Variants in REDIC1 observed in about 807,000 individuals in gnomAD.
REDIC1 encodes regulator of DNA class I crossover intermediates 1.
chr12:39,879,257 T>C, the REDIC1 span, among the ~76,000 whole-genome samples: 107 of 152,190 alleles, frequency 7.0e-4, no homozygotes, highest in African/African-American at 2.5e-3. Context: ...CAAGGGGAAA[T>C]GTGGGGTTGA....
At chr12:39,636,801 A>G in the REDIC1 span, among the ~76,000 whole-genome samples, 1 of 152,094 alleles carries the variant, frequency 6.6e-6, no homozygotes, top group Non-Finnish European at 1.5e-5. Flanking sequence ...TGGTGTTTAT[A>G]TGACACTCAT....
the REDIC1 span, among the ~76,000 whole-genome samples, chr12:39,670,866 G>C: frequency 2.0e-5 from 3 of 150,544 alleles, no homozygotes; most frequent in Admixed American, 2.0e-4. Flanking sequence ...TTCATTCATT[G>C]ACTTTTTCAT....
chr12:39,630,860 TTAAACG>T, the REDIC1 span, among the ~76,000 whole-genome samples: 1 of 152,212 alleles, frequency 6.6e-6, no homozygotes, highest in Non-Finnish European at 1.5e-5. Context: ...TGGGTAATAC[TTAAACG>T]TACAGTGAAC....
chr12:39,766,355 A>G, the REDIC1 span, among the ~76,000 whole-genome samples: 1 of 152,112 alleles, frequency 6.6e-6, no homozygotes, highest in Admixed American at 6.6e-5. Context: ...CAGTCTATTA[A>G]GTGTTCAATA....
At chr12:39,797,012 G>GT in the REDIC1 span, among the ~76,000 whole-genome samples, 1 of 152,100 alleles carries the variant, frequency 6.6e-6, no homozygotes, top group Non-Finnish European at 1.5e-5. Flanking sequence ...GTAAAAGAGT[G>GT]TTTTTTGGTT....
At chr12:39,820,317 G>A in the REDIC1 span, among the ~76,000 whole-genome samples, 6 of 152,176 alleles carry the variant, frequency 3.9e-5, no homozygotes, top group African/African-American at 1.4e-4. Flanking sequence ...GAAATTATGA[G>A]CACAGAGTTT....
the REDIC1 span, among the ~76,000 whole-genome samples, chr12:39,858,605 T>A: frequency 6.6e-6 from 1 of 152,192 alleles, no homozygotes; most frequent in Non-Finnish European, 1.5e-5. Flanking sequence ...TTTTACACAT[T>A]TCTTTTTGTT....
chr12:39,777,259 G>A, the REDIC1 span, among the ~76,000 whole-genome samples: 16 of 152,088 alleles, frequency 1.1e-4, no homozygotes, highest in Non-Finnish European at 1.8e-4. Flanking sequence ...GTAAAGGCAG[G>A]GAAATAGTCA....
the REDIC1 span, among the ~76,000 whole-genome samples, chr12:39,751,630 T>G: frequency 1.3e-5 from 2 of 152,126 alleles, no homozygotes; most frequent in Non-Finnish European, 2.9e-5. Flanking sequence ...CTATTCACAA[T>G]AGCAAAGACT....
the REDIC1 span, among the ~76,000 whole-genome samples, chr12:39,797,415 T>G: frequency 2.0e-5 from 3 of 152,200 alleles, no homozygotes; most frequent in Non-Finnish European, 4.4e-5. Context: ...CATTTATATG[T>G]TGGTTCTCTA....
the REDIC1 span, among the ~76,000 whole-genome samples, chr12:39,761,224 T>G: frequency 6.7e-6 from 1 of 149,782 alleles, no homozygotes; most frequent in Non-Finnish European, 1.5e-5. Flanking sequence ...ACCTCTTCTC[T>G]GGGCCTCTGT....
chr12:39,740,103 A>G, the REDIC1 span, among the ~76,000 whole-genome samples: 3 of 152,234 alleles, frequency 2.0e-5, no homozygotes, highest in South Asian at 2.1e-4. Flanking sequence ...ACATGGGATC[A>G]TTTGAAATTG....
At chr12:39,891,671 AT>A in the REDIC1 span, among the ~76,000 whole-genome samples, 1 of 152,198 alleles carries the variant, frequency 6.6e-6, no homozygotes, top group East Asian at 1.9e-4. Context: ...TACTATTGCA[AT>A]TTTACATATT....
the REDIC1 span, among the ~76,000 whole-genome samples, chr12:39,714,215 A>ATG: frequency 1.1e-4 from 3 of 27,318 alleles, no homozygotes; most frequent in African/African-American, 1.5e-4. Context: ...ACATGCATAT[A>ATG]CGTATATGCA....
chr12:39,896,252 GTATGTATATGTGTGTATATATGTATACA>G, the REDIC1 span, among the ~76,000 whole-genome samples: 5 of 84,400 alleles, frequency 5.9e-5, no homozygotes, highest in East Asian at 4.1e-4. Flanking sequence ...ATGTATACAT[GTATGTATATGTGTGTATATATGTATACA>G]TGTATGTATA....
chr12:39,876,761 G>A, the REDIC1 span, among the ~76,000 whole-genome samples: 1 of 152,108 alleles, frequency 6.6e-6, no homozygotes, highest in East Asian at 1.9e-4. Context: ...TCTGGCATGG[G>A]ACTATAAAGA....
the REDIC1 span, among the ~76,000 whole-genome samples, chr12:39,647,604 A>G: frequency 3.1e-4 from 47 of 152,176 alleles, no homozygotes; most frequent in African/African-American, 9.4e-4. Context: ...GCTCTTCAGT[A>G]TAGCCTTCAC....
the REDIC1 span, among the ~76,000 whole-genome samples, chr12:39,815,450 G>A: frequency 1.5e-4 from 23 of 152,148 alleles, no homozygotes; most frequent in South Asian, 6.2e-4. Flanking sequence ...TATAGGACTC[G>A]TAGGCTGGAG....
chr12:39,682,716 C>T, the REDIC1 span: 1 of 1,613,212 alleles, frequency 6.2e-7, no homozygotes, highest in South Asian at 1.1e-5. Context: ...CTGAAAAACA[C>T]TCAATACAGC....
Sources: allele counts gnomAD v4.1 joint callset (sites outside exome capture counted in the v4.1 genomes callset), GRCh38; gene constraint gnomAD v4.1.1; transcripts MANE v1.5; gene names NCBI Gene and HGNC (gene_info 2026-07-23, HGNC 2026-07-21).